The following DACH1 variants were observed in gnomAD, a reference collection of about 807,000 sequenced individuals.
The protein encoded by DACH1 is dachshund homolog 1.
DACH1 carries 12 observed loss-of-function variants against 54.2 expected under a neutral mutation model. That is an observed-to-expected ratio of 0.22 (90% CI 0.14 to 0.36). DACH1 has a LOEUF of 0.36. DACH1 is among the 10% of genes least tolerant of loss of function. DACH1 has a pLI of 1.00. For synonymous variants in DACH1, 386 were observed against 366.2 expected, an observed-to-expected ratio of 1.05 and a Z score of -0.62; for missense variants, 805 against 929.8, an observed-to-expected ratio of 0.87 and a Z score of 1.75.
In DACH1 at chr13:71,625,664, G is replaced by C. The variant is rs571802346; in HGVS notation, c.1126+4892C>G. Among the ~76,000 whole-genome samples, 153 of 151,872 alleles carry C rather than the reference G, an allele frequency of 1.0e-3. 1 individual carries two copies. Among genetic ancestry groups the C allele is most frequent in the Non-Finnish European group, 1.3e-3 (87 of 67,912 alleles). On this transcript the variant is annotated intron_variant, in intron 3 of 10. Coordinates refer to ENST00000613252, the MANE Select transcript of DACH1 (RefSeq NM_080759.6). Reference sequence around the variant, plus strand: ...TCTTACTTGAAACTTCTACATTCTTGTAACGATTACAAGTTTGAGAAAATG... The same window carrying C: ...TCTTACTTGAAACTTCTACATTCTTCTAACGATTACAAGTTTGAGAAAATG...
intron 1 of DACH1, among the ~76,000 whole-genome samples, chr13:71,727,294 C>T (rs752619617): frequency 6.6e-6 from 1 of 152,032 alleles, no homozygotes; most frequent in Non-Finnish European, 1.5e-5. Flanking sequence ...TGCTACCCTG[C>T]CAACATTTGA....
intron 10 of DACH1, among the ~76,000 whole-genome samples, chr13:71,467,370 G>A: frequency 9.2e-6 from 1 of 108,140 alleles, no homozygotes; most frequent in Non-Finnish European, 1.8e-5. Flanking sequence ...GAGGGGGGAG[G>A]GATAGCATTA....
At chr13:71,623,953 C>G (rs1487716799) in intron 3 of DACH1, among the ~76,000 whole-genome samples, 1 of 151,766 alleles carries the variant, frequency 6.6e-6, no homozygotes, top group African/African-American at 2.4e-5. Context: ...TTTAGATTTT[C>G]ACATTAGACT....
At chr13:71,527,128 A>G (rs1191044207) in intron 6 of DACH1, among the ~76,000 whole-genome samples, 1 of 151,906 alleles carries the variant, frequency 6.6e-6, no homozygotes, top group Non-Finnish European at 1.5e-5. Flanking sequence ...TGCCTTCAAT[A>G]TGTTTGCAAG....
chr13:71,700,627 C>T (rs1882086818), intron 1 of DACH1, among the ~76,000 whole-genome samples: 2 of 146,686 alleles, frequency 1.4e-5, no homozygotes, highest in Non-Finnish European at 3.0e-5. Context: ...TAGAAATAAG[C>T]AGTCCTAATG....
In DACH1 at chr13:71,438,921, A is replaced by G. The variant is rs1409169875; in HGVS notation, c.*1734T>C. On this transcript the variant is annotated 3_prime_UTR_variant, in exon 11 of 11. Coordinates refer to ENST00000613252, the MANE Select transcript of DACH1 (RefSeq NM_080759.6). ...CCTTTGTAAGCAAGCTAAAATAGGA[A>G]CTGTACATATAACCTTTTTATGGTA... is the stretch of plus-strand genomic sequence containing the variant. The G allele has an allele frequency of 6.6e-6, 1 of 152,490 alleles. No homozygotes were observed. Among genetic ancestry groups the G allele is most frequent in the Non-Finnish European group, 1.5e-5 (1 of 67,922 alleles). 9.4% of individuals were successfully genotyped at this position (152,490 alleles called of 1,614,324 possible).
chr13:71,656,260 T>C (rs1270563637), intron 2 of DACH1, among the ~76,000 whole-genome samples: 6 of 152,190 alleles, frequency 3.9e-5, no homozygotes, highest in Non-Finnish European at 8.8e-5. Context: ...TTCTGCATTC[T>C]TCCTCACCAC....
chr13:71,489,760 A>C (rs1354760061), intron 6 of DACH1, among the ~76,000 whole-genome samples: 1 of 152,140 alleles, frequency 6.6e-6, no homozygotes, highest in Non-Finnish European at 1.5e-5. Context: ...GAACTTGAAG[A>C]CCTTTTACCT....
At chr13:71,589,282 G>A (rs904292328) in intron 3 of DACH1, among the ~76,000 whole-genome samples, 2 of 151,926 alleles carry the variant, frequency 1.3e-5, no homozygotes, top group African/African-American at 4.8e-5. Context: ...TTATTACACT[G>A]TTGGTTGGTT....
intron 1 of DACH1, among the ~76,000 whole-genome samples, chr13:71,838,645 C>T (rs1201971564): frequency 6.6e-6 from 1 of 152,148 alleles, no homozygotes; most frequent in Non-Finnish European, 1.5e-5. Context: ...AATTTTGAAG[C>T]AATTTTAGTT....
intron 10 of DACH1, among the ~76,000 whole-genome samples, chr13:71,452,553 A>G (rs182369387): frequency 5.9e-4 from 90 of 152,318 alleles, no homozygotes; most frequent in Admixed American, 7.8e-4. Context: ...CTATCCACAT[A>G]TACTGTTTCA....
In DACH1 at chr13:71,475,753, T is replaced by C. The variant is rs1315507665; in HGVS notation, c.1967A>G (p.Gln656Arg). ...FETKRREQAEQTLKQAASTDS... is the reference protein window; with the variant it reads ...FETKRREQAERTLKQAASTDS... ...TGTTGAAGCTGCCTGTTTTAGCGTC[T>C]GTTCTGCTTGTTCACGCCGTTTCGT... Residue 656 changes from glutamine (Q) to arginine (R), a missense_variant, in exon 9 of 11, where the codon CAG becomes CGG. Around this residue, in one of 3 missense-constraint regions of DACH1, gnomAD observed 472 missense variants for 545.3 expected, o/e 0.87. Coordinates refer to ENST00000613252, the MANE Select transcript of DACH1 (RefSeq NM_080759.6). 3 of 1,613,800 alleles carry C rather than the reference T, an allele frequency of 1.9e-6. No homozygotes were observed. Among genetic ancestry groups the C allele is most frequent in the South Asian group, 1.1e-5 (1 of 91,050 alleles).
intron 1 of DACH1, among the ~76,000 whole-genome samples, chr13:71,717,121 A>C (rs1883010930): frequency 6.6e-6 from 1 of 152,176 alleles, no homozygotes; most frequent in African/African-American, 2.4e-5. Flanking sequence ...CTGAATAATC[A>C]ATTATATTAT....
Position 71,496,712 on chromosome 13 carries a change from A to AT in DACH1, c.1571-7565dup, listed in dbSNP as rs1328814375. Among the ~76,000 whole-genome samples, 8 of 152,270 alleles carry AT rather than the reference A, an allele frequency of 5.3e-5. No individual in the cohort carries two copies. In the East Asian group the frequency reaches 1.5e-3, roughly 29 times the overall value. On this transcript the variant is annotated intron_variant, in intron 6 of 10. Transcript: ENST00000613252. ...ACTTGTACCACAAGAATATATACAG[A>AT]TAAAAAAAGGAGAAAAAATTATCAG...
At chr13:71,500,687 T>C (rs1879839187) in intron 6 of DACH1, among the ~76,000 whole-genome samples, 1 of 152,130 alleles carries the variant, frequency 6.6e-6, no homozygotes, top group Admixed American at 6.6e-5. Context: ...AAAGATAAAG[T>C]GTCAATTTAG....
At chr13:71,714,250 C>G (rs1439694642) in intron 1 of DACH1, among the ~76,000 whole-genome samples, 1 of 151,468 alleles carries the variant, frequency 6.6e-6, no homozygotes, top group Admixed American at 6.6e-5. Context: ...CCTCAACGTA[C>G]CAATAAGAAG....
intron 2 of DACH1, among the ~76,000 whole-genome samples, chr13:71,680,193 T>A (rs1390723714): frequency 6.6e-6 from 1 of 152,228 alleles, no homozygotes; most frequent in African/African-American, 2.4e-5. Flanking sequence ...ATGACGATAG[T>A]TGCCTTGAAA....
intron 2 of DACH1, among the ~76,000 whole-genome samples, chr13:71,672,169 T>C (rs1282672796): frequency 6.6e-6 from 1 of 152,180 alleles, no homozygotes; most frequent in African/African-American, 2.4e-5. Flanking sequence ...TTTCTATCTA[T>C]TAAGCTTAGG....
chr13:71,653,777 TTTTC>T (rs1878849340), intron 2 of DACH1, among the ~76,000 whole-genome samples: 1 of 152,218 alleles, frequency 6.6e-6, no homozygotes, highest in Non-Finnish European at 1.5e-5. Context: ...CTAAATTCTA[TTTTC>T]TTTATTTTTT....
Sources: gnomAD v4.1 joint callset for allele counts (sites outside exome capture counted in the v4.1 genomes callset) on GRCh38, gnomAD v4.1.1 for gene constraint, gnomAD v4.1.1 regional missense constraint, MANE v1.5 for transcripts, NCBI Gene and HGNC (gene_info 2026-07-23, HGNC 2026-07-21) for gene names.